The following ARHGEF37 variants were observed in gnomAD, a reference collection of about 807,000 sequenced individuals.
ARHGEF37 encodes the protein Rho guanine nucleotide exchange factor (GEF) 37.
Under a neutral mutation model 71.1 loss-of-function variants are expected in ARHGEF37, and 55 were observed. That is an observed-to-expected ratio of 0.77 (90% CI 0.62 to 0.97). The LOEUF (loss-of-function observed/expected upper bound fraction) is 0.97. Among genes scored for constraint, ARHGEF37 ranks in the 50% least tolerant of loss-of-function variants. The pLI is 0.00. For missense variants in ARHGEF37, 765 were observed against 836.8 expected (o/e 0.91, Z 1.06); for synonymous variants, 327 against 350.6 (o/e 0.93, Z 0.75).
At chr5:149,607,607 G>A (rs890497559) in intron 3 of ARHGEF37, among the ~76,000 whole-genome samples, 7 of 152,222 alleles carry the variant, frequency 4.6e-5, no homozygotes, top group African/African-American at 1.4e-4. Context: ...GGCTGAGTCC[G>A]AAAAAGGAGT....
rs145303517 is a variant in ARHGEF37, at chr5:149,613,095, A to T, written c.458+3400A>T. Reference sequence around the variant, plus strand: ...CACAAAGCACTGCAATTCCAGAATGATGGCTGAGGCAGCAGAGTTTGGAGA... The same window carrying T: ...CACAAAGCACTGCAATTCCAGAATGTTGGCTGAGGCAGCAGAGTTTGGAGA... On this transcript the variant is annotated intron_variant, in intron 4 of 12. Transcript: ENST00000333677. Among the ~76,000 whole-genome samples, 424 of 152,354 alleles carry T rather than the reference A, an allele frequency of 2.8e-3. 2 individuals carry two copies. Among genetic ancestry groups the T allele is most frequent in the African/African-American group, 0.01 (417 of 41,576 alleles).
Position 149,624,003 on chromosome 5 carries a change from CCCACTTAGCTGCCCCACCA to C in ARHGEF37, c.1336-4_1350del. 1 of 1,589,464 alleles carries C rather than the reference CCCACTTAGCTGCCCCACCA, an allele frequency of 6.3e-7. No homozygotes were observed. Among genetic ancestry groups the C allele is most frequent in the Non-Finnish European group, 8.6e-7 (1 of 1,161,214 alleles). On this transcript the variant is annotated splice_acceptor_variant and splice_polypyrimidine_tract_variant and coding_sequence_variant and intron_variant, in exon 10 of 13. Coordinates refer to ENST00000333677, the MANE Select transcript of ARHGEF37 (RefSeq NM_001001669.3). LOFTEE classifies it high-confidence loss of function. ...CCCAGCTCTGTTGACAGTGTCTGTC[CCCACTTAGCTGCCCCACCA>C]CCACGTCCCAGAGCCTGCCTTCAGG...
chr5:149,601,019 G>T lies in ARHGEF37; in HGVS notation c.187-89G>T, dbSNP rs560832538. On this transcript the variant is annotated intron_variant, in intron 2 of 12. Coordinates refer to ENST00000333677, the MANE Select transcript of ARHGEF37 (RefSeq NM_001001669.3). Reference sequence around the variant, plus strand: ...AATCTTCTCAGGAGTGATGGGAATGGTGTGAGTGTTCTGTCCTACTCTCAA... The same window carrying T: ...AATCTTCTCAGGAGTGATGGGAATGTTGTGAGTGTTCTGTCCTACTCTCAA... 2.1e-6 allele frequency: 3 copies of T among 1,408,036 alleles called. No individual in the cohort carries two copies. In the South Asian group the frequency reaches 4.0e-5, roughly 19 times the overall value. 87.2% of individuals were successfully genotyped at this position (1,408,036 alleles called of 1,614,324 possible).
chr5:149,624,173 C>T, intron 10 of ARHGEF37, 33 bp downstream of exon 10: 1 of 1,582,210 alleles, frequency 6.3e-7, no homozygotes, highest in Non-Finnish European at 8.7e-7. Flanking sequence ...AAAGACTGTC[C>T]AGTTCTTCAC....
At chr5:149,592,639 C>A (rs1036483055) in intron 1 of ARHGEF37, among the ~76,000 whole-genome samples, 1 of 152,138 alleles carries the variant, frequency 6.6e-6, no homozygotes, top group Admixed American at 6.5e-5. Flanking sequence ...TCTCTTACTG[C>A]GGGATGTCCA....
chr5:149,556,404 T>TTTATTTA (rs1364373369), intron 1 of ARHGEF37, among the ~76,000 whole-genome samples: 1 of 78,532 alleles, frequency 1.3e-5, no homozygotes, highest in Non-Finnish European at 2.4e-5. Flanking sequence ...TTATTTATTT[T>TTTATTTA]GAGATGGAGT....
chr5:149,592,091 A>T (rs1428728864), intron 1 of ARHGEF37, among the ~76,000 whole-genome samples: 1 of 152,220 alleles, frequency 6.6e-6, no homozygotes, highest in African/African-American at 2.4e-5. Flanking sequence ...ATGTTTCCCC[A>T]ATGGTTACAT....
chr5:149,628,509 C>T (rs982723107), intron 11 of ARHGEF37, among the ~76,000 whole-genome samples: 6 of 152,142 alleles, frequency 3.9e-5, no homozygotes, highest in Middle Eastern at 3.2e-3. Context: ...TGGGAGCTGG[C>T]GGCTCCATCA....
chr5:149,621,280 T>C (rs191674216), intron 8 of ARHGEF37, among the ~76,000 whole-genome samples: 2 of 152,230 alleles, frequency 1.3e-5, no homozygotes, highest in Non-Finnish European at 2.9e-5. Context: ...GTGGGCAACA[T>C]AGACCCTGTC....
rs1580914496 is a variant in ARHGEF37 at position 149,606,289 on chromosome 5, G to C, written c.311-3259G>C. Among the ~76,000 whole-genome samples the C allele has an allele frequency of 2.0e-5, 3 of 152,020 alleles. No individual in the cohort carries two copies. In the East Asian group the frequency reaches 5.8e-4, roughly 29 times the overall value. On this transcript the variant is annotated intron_variant, in intron 3 of 12. Transcript: ENST00000333677. ...TTCTTCCTGGCTGCAGTTTCGGGTG[G>C]TCATGTTCTGTCTGGCTCTAGGGGC...
chr5:149,590,504 A>G (rs1302293084), intron 1 of ARHGEF37, among the ~76,000 whole-genome samples: 2 of 151,352 alleles, frequency 1.3e-5, no homozygotes, highest in Non-Finnish European at 2.9e-5. Context: ...CTGGTCTCGA[A>G]CTCCTGACCT....
At chr5:149,573,332 ATAATCACAT>A (rs1762989670) in intron 1 of ARHGEF37, among the ~76,000 whole-genome samples, 1 of 152,216 alleles carries the variant, frequency 6.6e-6, no homozygotes, top group Admixed American at 6.5e-5. Flanking sequence ...TCCAAGTCTC[ATAATCACAT>A]TAGCCAATTC....
chr5:149,617,567 T>A (rs1278665526), intron 5 of ARHGEF37, among the ~76,000 whole-genome samples: 1 of 152,222 alleles, frequency 6.6e-6, no homozygotes, highest in South Asian at 2.1e-4. Flanking sequence ...CCCTCTGAGG[T>A]TGGCCCTGTT....
Position 149,633,303 on chromosome 5 carries a change from G to C in ARHGEF37, c.*1112G>C, listed in dbSNP as rs971426211. 3 of 152,334 alleles carry C rather than the reference G, an allele frequency of 2.0e-5. No homozygotes were observed. The highest frequency in any genetic ancestry group is 4.4e-5 in the Non-Finnish European group (3 of 68,120). The allele number at this position is 152,334 out of a possible 1,614,324, so 9.4% of individuals were successfully genotyped here. A position where few individuals can be genotyped will look rare whatever the true frequency, so the allele number is the denominator to read the frequency against. ...CAGCAGTGATCTCGGGGTGGCCCCC[G>C]GCATGCTGCCCTCCCCCACGCCCAT... On this transcript the variant is annotated 3_prime_UTR_variant, in exon 13 of 13. Coordinates refer to ENST00000333677, the MANE Select transcript of ARHGEF37 (RefSeq NM_001001669.3).
chr5:149,623,860 G>A (rs537098016), intron 9 of ARHGEF37, 152 bp from the exon 10 acceptor site: 10 of 1,048,848 alleles, frequency 9.5e-6, no homozygotes, highest in Middle Eastern at 2.5e-4. Flanking sequence ...GTTGTCTGAC[G>A]AAAATGCAAG....
chr5:149,609,525 C>T, intron 3 of ARHGEF37, 23 bp from the exon 4 acceptor site: 1 of 1,612,942 alleles, frequency 6.2e-7, no homozygotes, highest in South Asian at 1.1e-5. Flanking sequence ...CTTGACGACC[C>T]CTTGTTGCGT....
At chr5:149,602,609 C>T (rs926301112) in intron 3 of ARHGEF37, among the ~76,000 whole-genome samples, 7 of 152,034 alleles carry the variant, frequency 4.6e-5, no homozygotes, top group Admixed American at 4.6e-4. Context: ...GCCTCAGCCT[C>T]CTGAGGAGGA....
At chr5:149,628,117 G>A (rs755679101) in intron 11 of ARHGEF37, among the ~76,000 whole-genome samples, 6 of 152,194 alleles carry the variant, frequency 3.9e-5, no homozygotes, top group African/African-American at 1.2e-4. Flanking sequence ...ACCACAGAAC[G>A]GGTATTAAGC....
At chr5:149,626,740 C>A (rs1271564562) in intron 10 of ARHGEF37, among the ~76,000 whole-genome samples, 2 of 152,264 alleles carry the variant, frequency 1.3e-5, no homozygotes, top group African/African-American at 4.8e-5. Flanking sequence ...ATTGAAAGAC[C>A]TGTCCAGGGC....
Sources: allele counts gnomAD v4.1 joint callset (sites outside exome capture counted in the v4.1 genomes callset), GRCh38; gene constraint gnomAD v4.1.1; transcripts MANE v1.5; gene names NCBI Gene and HGNC (gene_info 2026-07-23, HGNC 2026-07-21).